GPAT4: variants seen among roughly 807,000 people sequenced by gnomAD.
GPAT4 encodes 1-AGP acyltransferase 6.
GPAT4 carries 17 observed loss-of-function variants against 58.0 expected under a neutral mutation model. That is an observed-to-expected ratio of 0.29 (90% CI 0.20 to 0.44). The LOEUF is 0.44. GPAT4 is among the 20% of genes least tolerant of loss of function. The probability of loss-of-function intolerance (pLI) is 1.00; values close to 1 mark genes in which losing one functional copy is unlikely to be tolerated. For missense variants in GPAT4, 377 were observed against 574.5 expected, an observed-to-expected ratio of 0.66 and a Z score of 3.51; for synonymous variants, 204 against 210.1, an observed-to-expected ratio of 0.97 and a Z score of 0.25.
intron 1 of GPAT4, among the ~76,000 whole-genome samples, chr8:41,582,364 TAAA>T (rs1802538934): frequency 1.3e-5 from 2 of 151,828 alleles, no homozygotes; most frequent in African/African-American, 2.4e-5. Context: ...ACCTAGAACC[TAAA>T]GGCAGTCCTG....
At chr8:41,585,352 G>A (rs993808852) in intron 1 of GPAT4, among the ~76,000 whole-genome samples, 4 of 152,204 alleles carry the variant, frequency 2.6e-5, no homozygotes, top group Admixed American at 6.5e-5. Context: ...TCAGATGGGC[G>A]TGTTAGTCCT....
chr8:41,613,672 C>T (rs1388714891), intron 8 of GPAT4, among the ~76,000 whole-genome samples: 1 of 152,188 alleles, frequency 6.6e-6, no homozygotes, highest in Non-Finnish European at 1.5e-5. Flanking sequence ...CACATGGTGG[C>T]TCAGGCCTGT....
At position 41,623,686 on chromosome 8, in the gene GPAT4, G is replaced by T. The variant is rs1803826340; in HGVS notation, c.*2685G>T. On this transcript the variant is annotated 3_prime_UTR_variant, in exon 13 of 13. Coordinates refer to ENST00000396987, the MANE Select transcript of GPAT4 (RefSeq NM_178819.4). ...TTGCTTCTCTAAAACATCAGGGCTA[G>T]TGGAACTAACCCACTTGAGGGTGAC... is the stretch of plus-strand genomic sequence containing the variant. The T allele has an allele frequency of 6.6e-6, 1 of 152,272 alleles. No homozygotes were observed. Among genetic ancestry groups the T allele is most frequent in the African/African-American group, 2.4e-5 (1 of 41,468 alleles). 9.4% of individuals were successfully genotyped at this position (152,272 alleles called of 1,614,324 possible).
At chr8:41,591,203 G>A (rs1456510450) in intron 1 of GPAT4, among the ~76,000 whole-genome samples, 3 of 152,080 alleles carry the variant, frequency 2.0e-5, no homozygotes, top group South Asian at 2.1e-4. Context: ...GGATTTTCAC[G>A]ATGCTTTTCC....
chr8:41,607,629 C>T (rs1803318647), intron 2 of GPAT4, among the ~76,000 whole-genome samples: 2 of 151,722 alleles, frequency 1.3e-5, no homozygotes, highest in African/African-American at 4.8e-5. Context: ...GCCTCAACGT[C>T]CCCTGGCTCC....
chr8:41,595,286 T>C (rs1231266375), intron 1 of GPAT4, among the ~76,000 whole-genome samples: 1 of 149,592 alleles, frequency 6.7e-6, no homozygotes, highest in Non-Finnish European at 1.5e-5. Context: ...GGAAACCTGC[T>C]GGGTTAAGGG....
At chr8:41,617,376 T>G (rs1033929206) in intron 10 of GPAT4, among the ~76,000 whole-genome samples, 1 of 151,980 alleles carries the variant, frequency 6.6e-6, no homozygotes. Flanking sequence ...AAATGTATAT[T>G]ATTATATATA....
Position 41,621,340 on chromosome 8 carries a change from T to C in GPAT4, c.*339T>C. ...TGGTTGGGGAGATGTGGCCATGGTC[T>C]TGTGCTAGAGATGGCGGTACAAGAG... On this transcript the variant is annotated 3_prime_UTR_variant, in exon 13 of 13. Transcript: ENST00000396987. 1 of 281,034 alleles carries C rather than the reference T, an allele frequency of 3.6e-6. No homozygotes were observed. Among genetic ancestry groups the C allele is most frequent in the Non-Finnish European group, 6.9e-6 (1 of 145,424 alleles). 17.4% of individuals were successfully genotyped at this position (281,034 alleles called of 1,614,324 possible). A position where few individuals can be genotyped will look rare whatever the true frequency, so the allele number is the denominator to read the frequency against.
In GPAT4 at chr8:41,623,106, C is replaced by T. The variant is rs951635967; in HGVS notation, c.*2105C>T. ...CCCCTGCCGGCAGGTGTGGCCGCACCTGGTGTGAAGTCACGTGGAGTCAGT... is the reference window on the plus strand; with the variant it reads ...CCCCTGCCGGCAGGTGTGGCCGCACTTGGTGTGAAGTCACGTGGAGTCAGT... On this transcript the variant is annotated 3_prime_UTR_variant, in exon 13 of 13. Coordinates refer to ENST00000396987, the MANE Select transcript of GPAT4 (RefSeq NM_178819.4). 6.6e-6 allele frequency: 1 copy of T among 152,212 alleles called. No individual in the cohort carries two copies. The highest frequency in any genetic ancestry group is 1.5e-5 in the Non-Finnish European group (1 of 68,032). The allele number at this position is 152,212 out of a possible 1,614,324, so 9.4% of individuals were successfully genotyped here.
At position 41,612,727 on chromosome 8, in the gene GPAT4, G is replaced by T. The variant is rs961755378; in HGVS notation, c.796-118G>T. On this transcript the variant is annotated intron_variant, in intron 7 of 12. Coordinates refer to ENST00000396987, the MANE Select transcript of GPAT4 (RefSeq NM_178819.4). ...TCTTGGCAGTGAGCAACCTTCAGCC[G>T]GCAAGCGTTAGAAGTGAGAAGTTGG... 9.5e-6 allele frequency: 8 copies of T among 838,532 alleles called. No homozygotes were observed. In the African/African-American group the frequency reaches 1.0e-4, roughly 11 times the overall value. 51.9% of individuals were successfully genotyped at this position (838,532 alleles called of 1,614,324 possible). A position where few individuals can be genotyped will look rare whatever the true frequency, so the allele number is the denominator to read the frequency against.
chr8:41,615,172 G>A (rs1025460929), intron 10 of GPAT4, 124 bp downstream of exon 10: 53 of 821,582 alleles, frequency 6.5e-5, no homozygotes, highest in Admixed American at 1.3e-4. Flanking sequence ...GCAGAGTGGC[G>A]TGGGGCTGGG....
Position 41,598,981 on chromosome 8 carries a change from T to G in GPAT4, c.-159T>G. The G allele has an allele frequency of 2.1e-6, 2 of 940,064 alleles. No individual in the cohort carries two copies. Among genetic ancestry groups the G allele is most frequent in the Non-Finnish European group, 1.6e-6 (1 of 637,542 alleles). The allele number at this position is 940,064 out of a possible 1,614,324, so 58.2% of individuals were successfully genotyped here. On this transcript the variant is annotated 5_prime_UTR_variant, in exon 2 of 13. Coordinates refer to ENST00000396987, the MANE Select transcript of GPAT4 (RefSeq NM_178819.4). ...TTTTCTGTCATTCTGTTCCCAGGCC[T>G]TCTATTCAGGCGGTTGAAGGGTGTG...
intron 2 of GPAT4, among the ~76,000 whole-genome samples, chr8:41,602,936 A>G (rs543204080): frequency 6.6e-6 from 1 of 152,012 alleles, no homozygotes; most frequent in African/African-American, 2.4e-5. Context: ...TTTTTTAGGG[A>G]TATTACTAGT....
rs183323983 is a variant in GPAT4, at chr8:41,583,330, A to C, written c.-849+5052A>C. Among the ~76,000 whole-genome samples, 1,122 of 150,672 alleles carry C rather than the reference A, an allele frequency of 7.4e-3. 3 individuals are homozygous for C. Among genetic ancestry groups the C allele is most frequent in the Non-Finnish European group, 1.0e-2 (676 of 67,704 alleles). ...CGTTCCATTTAAGTTTTTTTTTTCT[A>C]TCCATTAACCAAGCTCTCAACGTCC... On this transcript the variant is annotated intron_variant, in intron 1 of 12. Transcript: ENST00000396987.
chr8:41,589,355 T>G, intron 1 of GPAT4, among the ~76,000 whole-genome samples: 3 of 38,562 alleles, frequency 7.8e-5, no homozygotes, highest in Admixed American at 3.3e-4. Flanking sequence ...CGGGGTGGGG[T>G]GTGGCGGGAT....
chr8:41,618,676 G>A lies in GPAT4; in HGVS notation c.1054-8G>A. ...CATGTCTTACCTCCAGCTTTCCATT[G>A]TTTTCAGTATGACCCTCAATTTGGC... On this transcript the variant is annotated splice_polypyrimidine_tract_variant and splice_region_variant and intron_variant, in intron 10 of 12. Coordinates refer to ENST00000396987, the MANE Select transcript of GPAT4 (RefSeq NM_178819.4). 1 of 1,613,912 alleles carries A rather than the reference G, an allele frequency of 6.2e-7. No individual in the cohort carries two copies. The highest frequency in any genetic ancestry group is 8.5e-7 in the Non-Finnish European group (1 of 1,179,978).
At chr8:41,589,758 G>C (rs1802742043) in intron 1 of GPAT4, among the ~76,000 whole-genome samples, 1 of 152,172 alleles carries the variant, frequency 6.6e-6, no homozygotes, top group African/African-American at 2.4e-5. Context: ...CTACACTCTG[G>C]CATGGGGGTC....
intron 2 of GPAT4, among the ~76,000 whole-genome samples, chr8:41,607,033 T>C (rs912498888): frequency 6.6e-6 from 1 of 152,226 alleles, no homozygotes; most frequent in Non-Finnish European, 1.5e-5. Context: ...TCTTGAAATA[T>C]GTCAAAGAAG....
chr8:41,615,121 A>C, intron 10 of GPAT4, 73 bp downstream of exon 10: 2 of 1,381,766 alleles, frequency 1.4e-6, no homozygotes, highest in South Asian at 2.4e-5. Flanking sequence ...GAGGAGGTAG[A>C]GGAAGGAGCT....
Sources: allele counts gnomAD v4.1 joint callset (sites outside exome capture counted in the v4.1 genomes callset), GRCh38; gene constraint gnomAD v4.1.1; transcripts MANE v1.5; gene names NCBI Gene and HGNC (gene_info 2026-07-23, HGNC 2026-07-21).